PTPRU: variants seen among roughly 807,000 people sequenced by gnomAD.
PTPRU encodes receptor-type tyrosine-protein phosphatase U.
A neutral mutation model predicts 166.3 loss-of-function variants in PTPRU; 69 were observed. The observed-to-expected ratio is 0.41, with a 90% CI of 0.34 to 0.51. PTPRU has a LOEUF of 0.51. Ranked by LOEUF, PTPRU falls within the 20% of genes least tolerant of loss-of-function variation. The pLI is 0.09. For synonymous variants in PTPRU, 793 were observed against 814.0 expected, an observed-to-expected ratio of 0.97 and a Z score of 0.44; for missense variants, 1,657 against 2,013.7, an observed-to-expected ratio of 0.82 and a Z score of 3.39.
chr1:29,302,373 T>G (rs1687177412), intron 15 of PTPRU, among the ~76,000 whole-genome samples: 1 of 152,184 alleles, frequency 6.6e-6, no homozygotes, highest in Non-Finnish European at 1.5e-5. Flanking sequence ...AAACTATTTT[T>G]AAATAAGTGT....
intron 13 of PTPRU, 117 bp downstream of exon 13, chr1:29,284,093 C>T: frequency 7.6e-7 from 1 of 1,311,082 alleles, no homozygotes; most frequent in Non-Finnish European, 1.1e-6. Context: ...GTTGGGCAGT[C>T]CTGGGGCCAG....
rs1683881219 is a variant in PTPRU at position 29,238,361 on chromosome 1, C to T, written c.73+1644C>T. Among the ~76,000 whole-genome samples the T allele has an allele frequency of 6.6e-6, 1 of 152,042 alleles. No individual in the cohort carries two copies. The stretch of plus-strand genomic sequence containing the variant: ...TTCGGGGCCCTGCTCCGGGTGACCT[C>T]CCCCGCCCTCGCCACCGGCGGGGCT... On this transcript the variant is annotated intron_variant, in intron 1 of 29. Transcript: ENST00000373779. The surrounding 1 kb of genome is among the most constrained non-coding windows in gnomAD (Gnocchi z 6.1).
chr1:29,301,933 A>G (rs551357329), intron 15 of PTPRU, among the ~76,000 whole-genome samples: 8 of 152,266 alleles, frequency 5.3e-5, no homozygotes, highest in African/African-American at 1.9e-4. Flanking sequence ...TTATGGCTGC[A>G]TAGTATTCCA....
In PTPRU at chr1:29,269,246, A is replaced by ATTTTTTTTTTTTTTTT. The variant is rs1175870568; in HGVS notation, c.1145-6188_1145-6173dup. ...TATATATATATATATATATATATAT[A>ATTTTTTTTTTTTTTTT]TTTTTTTTTTTTTTTTTTTTTTTTT... On this transcript the variant is annotated intron_variant, in intron 7 of 29. Coordinates refer to ENST00000373779, the MANE Select transcript of PTPRU (RefSeq NM_133178.4). Among the ~76,000 whole-genome samples, 8 of 20,590 alleles carry ATTTTTTTTTTTTTTTT rather than the reference A, an allele frequency of 3.9e-4. 2 individuals are homozygous for ATTTTTTTTTTTTTTTT. Among genetic ancestry groups the ATTTTTTTTTTTTTTTT allele is most frequent in the Non-Finnish European group, 7.0e-4 (7 of 9,982 alleles). 13.5% of individuals were successfully genotyped at this position (20,590 alleles called of 152,430 possible). A position where few individuals can be genotyped will look rare whatever the true frequency, so the allele number is the denominator to read the frequency against.
At chr1:29,267,570 C>CA (rs1557429046) in intron 7 of PTPRU, among the ~76,000 whole-genome samples, 1 of 152,122 alleles carries the variant, frequency 6.6e-6, no homozygotes, top group African/African-American at 2.4e-5. Context: ...GCAGCCAGCA[C>CA]AAAGGCCTGG....
intron 8 of PTPRU, among the ~76,000 whole-genome samples, chr1:29,276,239 C>T (rs1025532956): frequency 6.6e-6 from 1 of 152,120 alleles, no homozygotes; most frequent in Non-Finnish European, 1.5e-5. Flanking sequence ...TTGCTGCAGC[C>T]TCCTCCTCCC....
chr1:29,252,057 G>A (rs1422501769), intron 1 of PTPRU, among the ~76,000 whole-genome samples: 1 of 152,182 alleles, frequency 6.6e-6, no homozygotes, highest in Non-Finnish European at 1.5e-5. Context: ...AGGCAATAGG[G>A]TATGATGCTG....
Position 29,282,931 on chromosome 1 carries a change from A to G in PTPRU, c.2124A>G (p.Ala708=). 6.2e-7 allele frequency: 1 copy of G among 1,613,754 alleles called. No individual in the cohort carries two copies. Among genetic ancestry groups the G allele is most frequent in the African/African-American group, 1.3e-5 (1 of 75,036 alleles). Reference sequence around the variant, plus strand: ...AGGCCTATCTCATCTACTTCCAGGCAGCAAGCCACCTGAAGGGGGTGAGGG... The same window carrying G: ...AGGCCTATCTCATCTACTTCCAGGCGGCAAGCCACCTGAAGGGGGTGAGGG... ...PRKAYLIYFQ[A]ASHLKGETRL... Residue 708 remains alanine, a synonymous_variant, in exon 12 of 30, where the codon GCA becomes GCG. Transcript: ENST00000373779.
Position 29,306,281 on chromosome 1 carries a change from G to A in PTPRU, c.2820+853G>A, listed in dbSNP as rs1025616371. On this transcript the variant is annotated intron_variant, in intron 18 of 29. Coordinates refer to ENST00000373779, the MANE Select transcript of PTPRU (RefSeq NM_133178.4). ...CCTAGGTGTGGAAGAGGGGCGAGGC[G>A]GGACAGGGCCCCTAATCCCTACAGC... 3.3e-5 allele frequency among the ~76,000 whole-genome samples: 5 copies of A among 152,200 alleles called. No homozygotes were observed. The South Asian group carries it at 6.2e-4, about 19-fold the overall frequency.
chr1:29,309,580 A>C (rs890868318), intron 18 of PTPRU, among the ~76,000 whole-genome samples: 5 of 152,232 alleles, frequency 3.3e-5, no homozygotes, highest in African/African-American at 1.2e-4. Flanking sequence ...CTGAATAAGT[A>C]CTGACTTTGT....
intron 18 of PTPRU, among the ~76,000 whole-genome samples, chr1:29,306,630 G>A (rs937432771): frequency 1.3e-5 from 2 of 152,208 alleles, no homozygotes. Flanking sequence ...CTGGGTGGCT[G>A]GAGAGGAGAG....
rs142593881 is a variant in PTPRU, at chr1:29,325,228, G to A, written c.4150G>A (p.Ala1384Thr). The A allele has an allele frequency of 4.9e-4, 783 of 1,614,156 alleles. No homozygotes were observed. The highest frequency in any genetic ancestry group is 6.4e-4 in the Non-Finnish European group (751 of 1,180,032). ...GGRSGTFCAC[A>T]TVLEMIRCHN... ...ACGCAGCGGCACCTTCTGCGCCTGCGCCACGGTCCTGGAGATGATCCGCTG... is the reference window on the plus strand; with the variant it reads ...ACGCAGCGGCACCTTCTGCGCCTGCACCACGGTCCTGGAGATGATCCGCTG... Residue 1384 changes from alanine (A) to threonine (T), a missense_variant, in exon 29 of 30, where the codon GCC (alanine) becomes ACC (threonine). Coordinates refer to ENST00000373779, the MANE Select transcript of PTPRU (RefSeq NM_133178.4).
chr1:29,310,126 G>A (rs1428641853), intron 18 of PTPRU, among the ~76,000 whole-genome samples: 3 of 152,180 alleles, frequency 2.0e-5, no homozygotes, highest in Non-Finnish European at 1.5e-5. Context: ...GCTTAGCACA[G>A]TACGTGACCA....
chr1:29,310,501 C>CTAGGCA (rs1208502850), intron 18 of PTPRU, among the ~76,000 whole-genome samples: 1 of 152,142 alleles, frequency 6.6e-6, no homozygotes, highest in Non-Finnish European at 1.5e-5. Context: ...GTCATGTCCT[C>CTAGGCA]CCTGGGGTTG....
chr1:29,319,506 G>A (rs1038230008), intron 25 of PTPRU, among the ~76,000 whole-genome samples: 1 of 152,216 alleles, frequency 6.6e-6, no homozygotes, highest in African/African-American at 2.4e-5. Context: ...TCGTCAGTGA[G>A]GGGCCAGCTG....
intron 22 of PTPRU, 137 bp downstream of exon 22, chr1:29,312,843 C>T (rs937226388): frequency 1.4e-5 from 17 of 1,175,482 alleles, no homozygotes; most frequent in South Asian, 4.0e-5. Flanking sequence ...CAGGAGGGAA[C>T]GACCCCCAAA....
rs774242717 is a variant in PTPRU, at chr1:29,292,815, G to GTTTT, written c.2476+802_2476+805dup. Reference sequence around the variant, plus strand: ...GTAAATATTCCCTTGAAATTGTTGTGTTTTTTTTTTTTTTTTGTGAGATGG... The same window carrying GTTTT: ...GTAAATATTCCCTTGAAATTGTTGTGTTTTTTTTTTTTTTTTTTTTGTGAGATGG... On this transcript the variant is annotated intron_variant, in intron 15 of 29. Coordinates refer to ENST00000373779, the MANE Select transcript of PTPRU (RefSeq NM_133178.4). Among the ~76,000 whole-genome samples the GTTTT allele has an allele frequency of 9.5e-4, 126 of 132,974 alleles. 3 individuals carry two copies. The highest frequency in any genetic ancestry group is 4.8e-3 in the East Asian group (22 of 4,574). The allele number at this position is 132,974 out of a possible 152,430, so 87.2% of individuals were successfully genotyped here.
chr1:29,314,208 G>A (rs146508993), intron 22 of PTPRU, among the ~76,000 whole-genome samples: 178 of 152,294 alleles, frequency 1.2e-3, no homozygotes, highest in Admixed American at 2.7e-3. Flanking sequence ...TGCTGCTAAG[G>A]ACATTCGATC....
At chr1:29,319,075 T>C (rs1185294958) in intron 25 of PTPRU, among the ~76,000 whole-genome samples, 1 of 150,946 alleles carries the variant, frequency 6.6e-6, no homozygotes, top group East Asian at 1.9e-4. Context: ...AGAGCTGCCC[T>C]AGCCACTGAT....
Sources: gnomAD v4.1 joint callset for allele counts (sites outside exome capture counted in the v4.1 genomes callset) on GRCh38, gnomAD v4.1.1 for gene constraint, Gnocchi (gnomAD v3.1) non-coding constraint, MANE v1.5 for transcripts, NCBI Gene and HGNC (gene_info 2026-07-23, HGNC 2026-07-21) for gene names.